Variants in KLHL12 observed in about 807,000 individuals in gnomAD.
KLHL12 encodes kelch-like protein 12.
In KLHL12, 17 loss-of-function variants were observed where a neutral mutation model predicts 60.8. That is an observed-to-expected ratio of 0.28 (90% CI 0.19 to 0.42). KLHL12 has a LOEUF of 0.42. Among genes scored for constraint, KLHL12 ranks in the 10% least tolerant of loss-of-function variants. The pLI is 1.00. For synonymous variants in KLHL12, 220 were observed against 250.9 expected, an observed-to-expected ratio of 0.88 and a Z score of 1.16; for missense variants, 468 against 722.3, an observed-to-expected ratio of 0.65 and a Z score of 4.04.
chr1:202,916,873 AT>A (rs748779851), intron 4 of KLHL12, among the ~76,000 whole-genome samples: 3 of 151,562 alleles, frequency 2.0e-5, no homozygotes, highest in Non-Finnish European at 4.4e-5. Context: ...ACACAGGAGG[AT>A]GAGGTGGGAG....
intron 3 of KLHL12, 32 bp downstream of exon 3, chr1:202,919,723 A>C: frequency 6.3e-7 from 1 of 1,574,980 alleles, no homozygotes; most frequent in African/African-American, 1.4e-5. Context: ...GGCTATTTTG[A>C]CATAAACAAT....
At position 202,909,109 on chromosome 1, in the gene KLHL12, T is replaced by G; in HGVS notation, c.733A>C (p.Ser245Arg). 6.2e-7 allele frequency: 1 copy of G among 1,613,304 alleles called. No individual in the cohort carries two copies. Among genetic ancestry groups the G allele is most frequent in the Non-Finnish European group, 8.5e-7 (1 of 1,179,380 alleles). ...VIDAEPFIRC[S>R]LQCRDLVDEA... The stretch of plus-strand genomic sequence containing the variant: ...TCAACCAGATCCCTGCATTGTAAAC[T>G]ACAGCGGATGAAAGGCTGAAATATA... The change falls in exon 6 of 12, where the codon AGT becomes CGT. Residue 245 changes from serine to arginine, a missense_variant. By Grantham distance (110) the Ser-to-Arg change is moderately radical. Transcript: ENST00000367261. This position sits in a 1 kb window ranked among gnomAD's most constrained non-coding sequence, Gnocchi z 4.1.
chr1:202,892,556 C>G lies in KLHL12; in HGVS notation c.1684G>C (p.Val562Leu). 6.2e-7 allele frequency: 1 copy of G among 1,613,994 alleles called. No homozygotes were observed. The highest frequency in any genetic ancestry group is 8.5e-7 in the Non-Finnish European group (1 of 1,180,036). Reference protein sequence around the residue: ...SMGTQRCDAGVCVLREK With the variant: ...SMGTQRCDAGLCVLREK ...GGTCACTTCTCGCGGAGAACACAAACACCAGCATCACAGCGCTGGGTTCCC... is the reference window on the plus strand; with the variant it reads ...GGTCACTTCTCGCGGAGAACACAAAGACCAGCATCACAGCGCTGGGTTCCC... Residue 562 changes from valine (V) to leucine (L), a missense_variant, in exon 12 of 12, where the codon GTT becomes CTT. This residue lies in a region of KLHL12 where 68 missense variants were observed against 119.8 expected (regional missense o/e 0.57). Coordinates refer to ENST00000367261, the MANE Select transcript of KLHL12 (RefSeq NM_021633.4).
At chr1:202,897,413 T>C (rs1043823519) in intron 6 of KLHL12, among the ~76,000 whole-genome samples, 2 of 151,696 alleles carry the variant, frequency 1.3e-5, no homozygotes, top group African/African-American at 4.8e-5. Flanking sequence ...TTTGTATTTT[T>C]AGTAGAGATG....
In KLHL12 at chr1:202,905,968, C is replaced by CTTTTTTTTTTTTTT. The variant is rs71142574; in HGVS notation, c.832+3028_832+3041dup. Among the ~76,000 whole-genome samples, 147 of 51,674 alleles carry CTTTTTTTTTTTTTT rather than the reference C, an allele frequency of 2.8e-3. 1 individual carries two copies. The highest frequency in any genetic ancestry group is 4.0e-3 in the South Asian group (3 of 756). The allele number at this position is 51,674 out of a possible 152,430, so 33.9% of individuals were successfully genotyped here. ...TACAGGTGCCCGCCACCACACCTGG[C>CTTTTTTTTTTTTTT]TTTTTTTTTTTTTTTTTTTTTTTTG... is the stretch of plus-strand genomic sequence containing the variant. On this transcript the variant is annotated intron_variant, in intron 6 of 11. Transcript: ENST00000367261.
In KLHL12 at chr1:202,925,004, G is replaced by A. The variant is rs760396388; in HGVS notation, c.159C>T (p.Ala53=). 2.5e-6 allele frequency: 4 copies of A among 1,614,048 alleles called. No homozygotes were observed. The highest frequency in any genetic ancestry group is 2.2e-5 in the East Asian group (1 of 44,896). The change falls in exon 2 of 12, where the codon GCC becomes GCT. Residue 53 remains alanine, a synonymous_variant. Transcript: ENST00000367261. ...ACATGGCACAGAAGTAATCACTACA[G>A]GCAGCCAGCACAATCCGATGGGCAG... ...DFPAHRIVLA[A]CSDYFCAMFT...
chr1:202,912,458 C>T (rs1221088192), intron 4 of KLHL12: 5 of 847,626 alleles, frequency 5.9e-6, no homozygotes, highest in East Asian at 2.5e-5. Flanking sequence ...GCATGACAGC[C>T]GTGGTGGTGG....
intron 2 of KLHL12, among the ~76,000 whole-genome samples, chr1:202,921,675 G>A (rs943419322): frequency 3.9e-5 from 6 of 152,156 alleles, no homozygotes; most frequent in Admixed American, 3.9e-4. Context: ...GATGAGGCCA[G>A]ATAATCATAG....
At position 202,925,136 on chromosome 1, in the gene KLHL12, G is replaced by A. The variant is rs753607650; in HGVS notation, c.27C>T (p.Asp9=). The A allele has an allele frequency of 6.2e-7, 1 of 1,614,038 alleles. No individual in the cohort carries two copies. The highest frequency in any genetic ancestry group is 1.1e-5 in the South Asian group (1 of 91,074). Residue 9 remains aspartate (D), a synonymous_variant, in exon 2 of 12, where the codon GAC becomes GAT. Coordinates refer to ENST00000367261, the MANE Select transcript of KLHL12 (RefSeq NM_021633.4). MGGIMAPK[D]IMTNTHAKSI... Reference sequence around the variant, plus strand: ...ATTTAGCATGAGTATTTGTCATTATGTCTTTGGGGGCCATAATGCCTCCCA... The same window carrying A: ...ATTTAGCATGAGTATTTGTCATTATATCTTTGGGGGCCATAATGCCTCCCA...
Position 202,924,985 on chromosome 1 carries a change from CACAGAAGTAATCACT to C in KLHL12, c.163_177del (p.Ser55_Cys59del). On this transcript the variant is annotated inframe_deletion, in exon 2 of 12. Transcript: ENST00000367261. The stretch of plus-strand genomic sequence containing the variant: ...CCACTTACCTCACTAGTGAACATGG[CACAGAAGTAATCACT>C]ACAGGCAGCCAGCACAATCCGATGG... The C allele has an allele frequency of 1.2e-6, 2 of 1,614,084 alleles. No individual in the cohort carries two copies. Among genetic ancestry groups the C allele is most frequent in the Non-Finnish European group, 1.7e-6 (2 of 1,179,974 alleles).
chr1:202,921,895 C>G (rs1660705919), intron 2 of KLHL12, among the ~76,000 whole-genome samples: 1 of 152,120 alleles, frequency 6.6e-6, no homozygotes, highest in African/African-American at 2.4e-5. Flanking sequence ...CTACCAAAGC[C>G]AAGAACAAAA....
intron 4 of KLHL12, among the ~76,000 whole-genome samples, chr1:202,914,167 C>T (rs553230504): frequency 6.6e-6 from 1 of 152,196 alleles, no homozygotes; most frequent in African/African-American, 2.4e-5. Flanking sequence ...TGAAATCATC[C>T]GAAGGTTTCA....
chr1:202,918,988 T>G (rs961988465), intron 3 of KLHL12, among the ~76,000 whole-genome samples: 1 of 152,174 alleles, frequency 6.6e-6, no homozygotes, highest in African/African-American at 2.4e-5. Flanking sequence ...CGGTGGCTCG[T>G]GCCTATAATT....
upstream of KLHL12, among the ~76,000 whole-genome samples, chr1:202,928,274 C>CA (rs368999167): frequency 0.79 from 97,466 of 123,638 alleles, 38,237 homozygotes; most frequent in Non-Finnish European, 0.86. Context: ...GACTCCGTCT[C>CA]AAAAAAAAAA....
upstream of KLHL12, chr1:202,928,505 GA>G (rs1211249663): frequency 2.3e-6 from 3 of 1,304,216 alleles, no homozygotes; most frequent in Non-Finnish European, 3.0e-6. Context: ...GGAACTTTTT[GA>G]CATCGAGAAA....
intron 7 of KLHL12, among the ~76,000 whole-genome samples, chr1:202,896,012 G>C (rs1048969116): frequency 1.3e-5 from 2 of 152,136 alleles, no homozygotes; most frequent in Admixed American, 6.5e-5. Context: ...TCTTCCATAA[G>C]GCACTGGGCT....
At chr1:202,906,395 CA>C (rs1303318561) in intron 6 of KLHL12, among the ~76,000 whole-genome samples, 1 of 134,430 alleles carries the variant, frequency 7.4e-6, no homozygotes, top group East Asian at 2.3e-4. Context: ...ACAGAGGTTG[CA>C]GTGAGCAAAG....
intron 4 of KLHL12, among the ~76,000 whole-genome samples, chr1:202,916,473 C>T (rs922896167): frequency 6.6e-6 from 1 of 152,158 alleles, no homozygotes; most frequent in Non-Finnish European, 1.5e-5. Context: ...AGTGAAACTC[C>T]GTCTCTGCTA....
chr1:202,910,573 GA>G (rs1361996697), intron 5 of KLHL12, among the ~76,000 whole-genome samples: 13 of 152,092 alleles, frequency 8.5e-5, no homozygotes, highest in Non-Finnish European at 1.2e-4. Context: ...TAAAAATTAT[GA>G]AAAAGTATCA....
Sources: gnomAD v4.1 joint callset for allele counts (sites outside exome capture counted in the v4.1 genomes callset) on GRCh38, gnomAD v4.1.1 for gene constraint, gnomAD v4.1.1 regional missense constraint, Gnocchi (gnomAD v3.1) non-coding constraint, MANE v1.5 for transcripts, NCBI Gene and HGNC (gene_info 2026-07-23, HGNC 2026-07-21) for gene names.